ADARB2: variants seen among roughly 807,000 people sequenced by gnomAD.
ADARB2 encodes adenosine deaminase RNA specific B2 (inactive).
ADARB2 carries 25 observed loss-of-function variants against 62.2 expected under a neutral mutation model. That is an observed-to-expected ratio of 0.40 (90% CI 0.29 to 0.56). The LOEUF (loss-of-function observed/expected upper bound fraction) is 0.56. ADARB2 is among the 20% of genes least tolerant of loss of function. The pLI, the probability that ADARB2 is intolerant of heterozygous loss-of-function variation, is 0.43. For missense variants in ADARB2, 1,071 were observed against 1,077.4 expected (o/e 0.99, Z 0.08); for synonymous variants, 572 against 500.8 (o/e 1.14, Z -1.90).
intron 3 of ADARB2, among the ~76,000 whole-genome samples, chr10:1,286,556 T>C (rs1831416050): frequency 6.6e-6 from 1 of 152,206 alleles, no homozygotes; most frequent in Non-Finnish European, 1.5e-5. Context: ...AAATCCCTTA[T>C]TGTAGCCATT....
chr10:1,732,922 G>A (rs940314916), intron 1 of ADARB2, among the ~76,000 whole-genome samples: 1 of 152,186 alleles, frequency 6.6e-6, no homozygotes, highest in Non-Finnish European at 1.5e-5. Context: ...CAACCTGCCC[G>A]TTCTCCACAC....
At chr10:1,422,825 T>C (rs1226633357) in intron 1 of ADARB2, among the ~76,000 whole-genome samples, 2 of 152,156 alleles carry the variant, frequency 1.3e-5, no homozygotes, top group African/African-American at 4.8e-5. Context: ...TGAAGGGCAT[T>C]AGCGTACCTC....
At chr10:1,508,734 G>A (rs1831883793) in intron 1 of ADARB2, among the ~76,000 whole-genome samples, 1 of 152,178 alleles carries the variant, frequency 6.6e-6, no homozygotes, top group Non-Finnish European at 1.5e-5. Context: ...AGATAGCTGA[G>A]ATCACACCAC....
At chr10:1,296,922 G>T (rs371836498) in intron 3 of ADARB2, among the ~76,000 whole-genome samples, 2 of 152,184 alleles carry the variant, frequency 1.3e-5, no homozygotes, top group African/African-American at 4.8e-5. Context: ...TGTCCTGCCC[G>T]CTGCCTTCAG....
intron 1 of ADARB2, among the ~76,000 whole-genome samples, chr10:1,655,035 A>G (rs1834157035): frequency 6.6e-6 from 1 of 152,162 alleles, no homozygotes; most frequent in South Asian, 2.1e-4. Context: ...GAGGAATCTC[A>G]CTTCCCCTGC....
At chr10:1,261,131 A>T (rs2131790379) in intron 4 of ADARB2, among the ~76,000 whole-genome samples, 1 of 128,772 alleles carries the variant, frequency 7.8e-6, no homozygotes, top group Non-Finnish European at 1.6e-5. Context: ...TCCCTTCCTT[A>T]CACCTTATAC....
chr10:1,286,505 T>A (rs1306508462), intron 3 of ADARB2, among the ~76,000 whole-genome samples: 4 of 152,186 alleles, frequency 2.6e-5, no homozygotes, highest in African/African-American at 7.2e-5. Context: ...TCAAATTACC[T>A]AAAGGCGGAT....
rs7076695 is a variant in ADARB2, at chr10:1,313,762, A to G, written c.1078-42693T>C. ...GTTAATCGAGGGGCCTTGCTTGCAC[A>G]GTGCAAACTTCCATTGTGCAGAGGT... On this transcript the variant is annotated intron_variant, in intron 3 of 9. Transcript: ENST00000381312. Among the ~76,000 whole-genome samples, 1,118 of 152,314 alleles carry G rather than the reference A, an allele frequency of 7.3e-3. 17 individuals carry two copies. Among genetic ancestry groups the G allele is most frequent in the African/African-American group, 0.025 (1,022 of 41,558 alleles).
At chr10:1,287,444 C>G (rs953417668) in intron 3 of ADARB2, among the ~76,000 whole-genome samples, 31 of 152,184 alleles carry the variant, frequency 2.0e-4, no homozygotes, top group African/African-American at 7.5e-4. Context: ...TTATCATTAA[C>G]TATGATCACC....
intron 1 of ADARB2, among the ~76,000 whole-genome samples, chr10:1,653,508 C>T (rs78254650): frequency 0.12 from 16,749 of 136,970 alleles, 941 homozygotes; most frequent in East Asian, 0.17. Flanking sequence ...GCCTTGTGTG[C>T]CTGCAGAGCC....
intron 1 of ADARB2, among the ~76,000 whole-genome samples, chr10:1,694,510 T>A (rs553878973): frequency 3.3e-5 from 5 of 151,660 alleles, no homozygotes; most frequent in East Asian, 4.0e-4. Context: ...CCACAACCGG[T>A]GGCACTTCCT....
chr10:1,736,404 T>C (rs1229939329), intron 1 of ADARB2, among the ~76,000 whole-genome samples: 2 of 152,210 alleles, frequency 1.3e-5, no homozygotes, highest in Admixed American at 6.5e-5. Context: ...GTCAGCCGGC[T>C]GCTTTTCCTG....
intron 1 of ADARB2, among the ~76,000 whole-genome samples, chr10:1,385,285 C>T (rs1314708282): frequency 6.6e-6 from 1 of 151,612 alleles, no homozygotes; most frequent in Admixed American, 6.6e-5. Context: ...GAGAATATGA[C>T]CAATCATCAG....
At chr10:1,434,767 G>A (rs183179338) in intron 1 of ADARB2, among the ~76,000 whole-genome samples, 1 of 152,296 alleles carries the variant, frequency 6.6e-6, no homozygotes, top group Non-Finnish European at 1.5e-5. Flanking sequence ...TTATAGACTA[G>A]AAGAAGTTCA....
chr10:1,613,135 C>G (rs1367248121), intron 1 of ADARB2, among the ~76,000 whole-genome samples: 1 of 152,182 alleles, frequency 6.6e-6, no homozygotes, highest in African/African-American at 2.4e-5. Flanking sequence ...GTAAACTTTA[C>G]TGTTACCCTA....
At chr10:1,268,724 A>G (rs1831231131) in intron 4 of ADARB2, among the ~76,000 whole-genome samples, 1 of 152,238 alleles carries the variant, frequency 6.6e-6, no homozygotes, top group Non-Finnish European at 1.5e-5. Context: ...GTCTCTTTAC[A>G]ATAGGAAAGT....
chr10:1,333,026 T>C (rs539538988), intron 3 of ADARB2, among the ~76,000 whole-genome samples: 63 of 152,302 alleles, frequency 4.1e-4, no homozygotes, highest in African/African-American at 1.4e-3. Context: ...TCTCCAGCCC[T>C]CTCCTGCTAT....
chr10:1,375,732 T>C (rs529197717), intron 2 of ADARB2, among the ~76,000 whole-genome samples: 52 of 151,394 alleles, frequency 3.4e-4, no homozygotes, highest in African/African-American at 1.1e-3. Flanking sequence ...CGTGCACACA[T>C]GTGCACAGAT....
At chr10:1,366,984 A>G (rs144368612) in intron 2 of ADARB2, among the ~76,000 whole-genome samples, 1 of 152,384 alleles carries the variant, frequency 6.6e-6, no homozygotes, top group Non-Finnish European at 1.5e-5. Context: ...TGACACGTGC[A>G]TCTGCTGGCC....
Sources: gnomAD v4.1 joint callset for allele counts (sites outside exome capture counted in the v4.1 genomes callset) on GRCh38, gnomAD v4.1.1 for gene constraint, MANE v1.5 for transcripts, NCBI Gene and HGNC (gene_info 2026-07-23, HGNC 2026-07-21) for gene names.